CCDC63: variants seen among roughly 807,000 people sequenced by gnomAD.
CCDC63 encodes coiled-coil domain-containing protein 63.
A neutral mutation model predicts 63.6 loss-of-function variants in CCDC63; 54 were observed. The ratio of observed to expected loss-of-function variants is 0.85; its 90% CI spans 0.68 to 1.07. The LOEUF is 1.07. CCDC63 is among the 50% of genes least tolerant of loss of function. CCDC63 has a pLI of 0.00. For synonymous variants in CCDC63, 253 were observed against 266.1 expected (o/e 0.95, Z 0.48); for missense variants, 637 against 689.6 (o/e 0.92, Z 0.86).
chr12:110,884,301 C>A (rs755565774), intron 8 of CCDC63, 51 bp downstream of exon 8: 1 of 1,481,770 alleles, frequency 6.7e-7, no homozygotes, highest in African/African-American at 1.4e-5. Flanking sequence ...TCCACAGCAG[C>A]CTTTCCAGGG....
intron 9 of CCDC63, among the ~76,000 whole-genome samples, chr12:110,893,576 C>T (rs576486782): frequency 2.0e-5 from 3 of 152,278 alleles, no homozygotes; most frequent in East Asian, 1.9e-4. Flanking sequence ...TACGAGGCGC[C>T]GGGCTAAGAG....
chr12:110,887,060 A>G (rs1190921941), intron 8 of CCDC63, among the ~76,000 whole-genome samples: 3 of 151,748 alleles, frequency 2.0e-5, no homozygotes, highest in Non-Finnish European at 4.4e-5. Flanking sequence ...CCAAGTCCAA[A>G]CTCTTTTTAT....
intron 8 of CCDC63, among the ~76,000 whole-genome samples, chr12:110,888,928 G>T (rs1347065806): frequency 6.7e-6 from 1 of 150,076 alleles, no homozygotes; most frequent in Non-Finnish European, 1.5e-5. Flanking sequence ...CTGGAGTACA[G>T]TGGCTTGATC....
intron 4 of CCDC63, among the ~76,000 whole-genome samples, chr12:110,864,065 A>G (rs1001286104): frequency 4.6e-5 from 7 of 152,232 alleles, no homozygotes; most frequent in Non-Finnish European, 8.8e-5. Flanking sequence ...TCCCCTCATC[A>G]GCCATGGCTG....
At chr12:110,863,576 C>T (rs1225204288) in intron 4 of CCDC63, among the ~76,000 whole-genome samples, 9 of 150,212 alleles carry the variant, frequency 6.0e-5, no homozygotes, top group East Asian at 3.9e-4. Flanking sequence ...AATCTTGCTC[C>T]GTTGCCCAGG....
intron 8 of CCDC63, among the ~76,000 whole-genome samples, chr12:110,891,836 G>A (rs1380658530): frequency 6.6e-6 from 1 of 151,984 alleles, no homozygotes; most frequent in Non-Finnish European, 1.5e-5. Context: ...TCCCCAACTG[G>A]GGGCCACTAT....
At chr12:110,867,623 G>T (rs1593656584) in intron 4 of CCDC63, among the ~76,000 whole-genome samples, 1 of 130,402 alleles carries the variant, frequency 7.7e-6, no homozygotes, top group Admixed American at 7.3e-5. Context: ...CCGGGCAGAG[G>T]GGCTCCTCAC....
chr12:110,878,376 G>A (rs998175326), intron 5 of CCDC63, among the ~76,000 whole-genome samples: 8 of 152,068 alleles, frequency 5.3e-5, no homozygotes, highest in Admixed American at 2.6e-4. Flanking sequence ...GTGCAGTGGC[G>A]TGATCTCGGC....
At position 110,852,859 on chromosome 12, in the gene CCDC63, G is replaced by T; in HGVS notation, c.-96G>T. 2 of 1,595,846 alleles carry T rather than the reference G, an allele frequency of 1.3e-6. No individual in the cohort carries two copies. Among genetic ancestry groups the T allele is most frequent in the South Asian group, 2.2e-5 (2 of 90,644 alleles). On this transcript the variant is annotated splice_region_variant and 5_prime_UTR_variant, in exon 2 of 12. Coordinates refer to ENST00000308208, the MANE Select transcript of CCDC63 (RefSeq NM_152591.3). ...CTCTTCCTTTTGCCACCATGAACAG[G>T]GCATTGCAGAGAGACAGAGAGAGAG...
intron 8 of CCDC63, among the ~76,000 whole-genome samples, chr12:110,890,234 G>T (rs1331437680): frequency 6.6e-6 from 1 of 151,858 alleles, no homozygotes; most frequent in Non-Finnish European, 1.5e-5. Context: ...AGCCTGGGAG[G>T]TCGAGGCTGT....
intron 7 of CCDC63, 48 bp downstream of exon 7, chr12:110,881,344 CTTCT>C: frequency 1.3e-6 from 2 of 1,552,646 alleles, no homozygotes; most frequent in Non-Finnish European, 1.7e-6. Context: ...TCTTTCTTGC[CTTCT>C]TTCTCTCTTT....
intron 4 of CCDC63, among the ~76,000 whole-genome samples, chr12:110,866,531 T>C (rs920202823): frequency 7.9e-5 from 11 of 139,900 alleles, no homozygotes; most frequent in Non-Finnish European, 1.5e-4. Flanking sequence ...TTAACGAGCA[T>C]GCTGCCTTCA....
At position 110,873,980 on chromosome 12, in the gene CCDC63, G is replaced by GCAGCTCTGCAAA. The variant is rs772218076; in HGVS notation, c.489+29_489+40dup. On this transcript the variant is annotated intron_variant, in intron 5 of 11. Transcript: ENST00000308208. Reference sequence around the variant, plus strand: ...GAATCTCGTATGTAAAGTGTTCTCTGCAGCTCTGCAAACAGCTCTGCCCAC... The same window carrying GCAGCTCTGCAAA: ...GAATCTCGTATGTAAAGTGTTCTCTGCAGCTCTGCAAACAGCTCTGCAAACAGCTCTGCCCAC... 5.0e-6 allele frequency: 8 copies of GCAGCTCTGCAAA among 1,602,582 alleles called. No homozygotes were observed. In the East Asian group the frequency reaches 1.8e-4, roughly 36 times the overall value.
chr12:110,879,145 A>G (rs2071168184), intron 5 of CCDC63, among the ~76,000 whole-genome samples: 1 of 152,208 alleles, frequency 6.6e-6, no homozygotes, highest in East Asian at 1.9e-4. Flanking sequence ...TACAAAATGA[A>G]TAATATTTCC....
intron 4 of CCDC63, among the ~76,000 whole-genome samples, chr12:110,869,578 G>A (rs753974682): frequency 3.3e-5 from 5 of 152,102 alleles, no homozygotes; most frequent in South Asian, 2.1e-4. Context: ...TTGGGTGTGG[G>A]CTAAGGCTGC....
In CCDC63 at chr12:110,873,903, C is replaced by T. The variant is rs766133465; in HGVS notation, c.431C>T (p.Ala144Val). The T allele has an allele frequency of 1.9e-5, 30 of 1,611,636 alleles. No homozygotes were observed. The highest frequency in any genetic ancestry group is 2.3e-5 in the Non-Finnish European group (27 of 1,179,214). ...QKQIFAKMQE[A>V]NNPRKLQKQI... ...CAGATTTTCGCAAAAATGCAGGAGG[C>T]CAATAACCCCCGGAAACTGCAGAAA... Residue 144 changes from alanine to valine, a missense_variant, in exon 5 of 12, where the codon GCC (alanine) becomes GTC (valine). By Grantham distance (64) the Ala-to-Val change is moderately conservative. Coordinates refer to ENST00000308208, the MANE Select transcript of CCDC63 (RefSeq NM_152591.3).
intron 4 of CCDC63, among the ~76,000 whole-genome samples, chr12:110,870,717 A>G (rs982072538): frequency 2.0e-5 from 3 of 152,154 alleles, no homozygotes; most frequent in East Asian, 1.9e-4. Flanking sequence ...CTCTCCATCA[A>G]TGACCGCCCT....
intron 4 of CCDC63, among the ~76,000 whole-genome samples, chr12:110,860,092 T>C (rs1162638716): frequency 2.6e-5 from 4 of 152,104 alleles, no homozygotes; most frequent in African/African-American, 9.7e-5. Flanking sequence ...TTTACAAGGG[T>C]GTGGGCATGA....
intron 4 of CCDC63, among the ~76,000 whole-genome samples, chr12:110,864,506 C>T (rs1009031563): frequency 6.6e-6 from 1 of 151,564 alleles, no homozygotes; most frequent in African/African-American, 2.4e-5. Flanking sequence ...GGAGGATCAC[C>T]TGAGGTCAGG....
Sources: allele counts gnomAD v4.1 joint callset (sites outside exome capture counted in the v4.1 genomes callset), GRCh38; gene constraint gnomAD v4.1.1; transcripts MANE v1.5; gene names NCBI Gene and HGNC (gene_info 2026-07-23, HGNC 2026-07-21).